Variants in TANGO6 observed in about 807,000 individuals in gnomAD.
The protein encoded by TANGO6 is transport and golgi organization 6 homolog.
TANGO6 carries 90 observed loss-of-function variants against 114.2 expected under a neutral mutation model. The ratio of observed to expected loss-of-function variants is 0.79; its 90% CI spans 0.66 to 0.94. The LOEUF (loss-of-function observed/expected upper bound fraction) is 0.94, where lower values mean the gene tolerates loss of function less well. Ranked by LOEUF, TANGO6 falls within the 40% of genes least tolerant of loss-of-function variation. The probability of loss-of-function intolerance (pLI) is 0.00; values close to 1 mark genes in which losing one functional copy is unlikely to be tolerated. For missense variants in TANGO6, 1,274 were observed against 1,315.3 expected, an observed-to-expected ratio of 0.97 and a Z score of 0.49; for synonymous variants, 477 against 509.8, an observed-to-expected ratio of 0.94 and a Z score of 0.87.
intron 15 of TANGO6, among the ~76,000 whole-genome samples, chr16:68,975,222 A>G (rs767572734): frequency 3.3e-5 from 5 of 152,156 alleles, no homozygotes. Context: ...TAGCTCAAAC[A>G]TTTTCAGCAA....
intron 17 of TANGO6, among the ~76,000 whole-genome samples, chr16:69,042,272 C>T (rs570284367): frequency 4.7e-4 from 71 of 152,188 alleles, no homozygotes; most frequent in Non-Finnish European, 6.9e-4. Flanking sequence ...TGTAGCCGGG[C>T]GGGGTGGCTC....
At chr16:68,984,312 A>G (rs1963871441) in intron 15 of TANGO6, among the ~76,000 whole-genome samples, 1 of 152,268 alleles carries the variant, frequency 6.6e-6, no homozygotes, top group East Asian at 1.9e-4. Context: ...GTGTAGTTCA[A>G]TTCAACAAAC....
intron 16 of TANGO6, among the ~76,000 whole-genome samples, chr16:69,031,751 G>A (rs527528251): frequency 2.8e-4 from 43 of 151,816 alleles, no homozygotes; most frequent in Admixed American, 2.1e-3. Flanking sequence ...TCCACCTCCC[G>A]GGTTCAAGCA....
chr16:68,990,965 G>C (rs1180321242), intron 15 of TANGO6, among the ~76,000 whole-genome samples: 1 of 152,200 alleles, frequency 6.6e-6, no homozygotes, highest in Non-Finnish European at 1.5e-5. Context: ...TTAGGATGTT[G>C]TTGGGGCAAG....
intron 17 of TANGO6, among the ~76,000 whole-genome samples, chr16:69,047,375 G>A (rs1959879696): frequency 6.6e-6 from 1 of 151,814 alleles, no homozygotes; most frequent in Non-Finnish European, 1.5e-5. Flanking sequence ...GTTGCCTGTA[G>A]TCCTAGCTCC....
At position 69,048,686 on chromosome 16, in the gene TANGO6, A is replaced by G. The variant is rs138553490; in HGVS notation, c.3108+8265A>G. On this transcript the variant is annotated intron_variant, in intron 17 of 17. Coordinates refer to ENST00000261778, the MANE Select transcript of TANGO6 (RefSeq NM_024562.2). ...TATGAATGGTGGGTTCACCATTAAT[A>G]CTGGAGATTACTCTCCTACTTCTCT... Among the ~76,000 whole-genome samples, 8 of 152,348 alleles carry G rather than the reference A, an allele frequency of 5.3e-5. No individual in the cohort carries two copies. In the East Asian group the frequency reaches 1.5e-3, roughly 29 times the overall value.
chr16:68,908,659 C>CTACAAA (rs1014453631), intron 10 of TANGO6, among the ~76,000 whole-genome samples: 1 of 152,144 alleles, frequency 6.6e-6, no homozygotes, highest in Non-Finnish European at 1.5e-5. Flanking sequence ...CTACAAAACC[C>CTACAAA]ACAGTAATAC....
At chr16:69,003,720 T>G (rs1964065656) in intron 15 of TANGO6, among the ~76,000 whole-genome samples, 1 of 152,168 alleles carries the variant, frequency 6.6e-6, no homozygotes, top group Non-Finnish European at 1.5e-5. Context: ...TTATCATGAC[T>G]TACATAGACC....
chr16:68,942,015 C>T lies in TANGO6; in HGVS notation c.2701+11720C>T, dbSNP rs77976599. Among the ~76,000 whole-genome samples the T allele has an allele frequency of 6.3e-3, 958 of 151,918 alleles. 14 individuals are homozygous for T. Among genetic ancestry groups the T allele is most frequent in the African/African-American group, 0.022 (911 of 41,440 alleles). On this transcript the variant is annotated intron_variant, in intron 14 of 17. Coordinates refer to ENST00000261778, the MANE Select transcript of TANGO6 (RefSeq NM_024562.2). ...AAATTATAGCCATTTATTTAACCAG[C>T]GTGATAATCAAAAGACTTTAAAAGT...
chr16:69,002,679 A>G lies in TANGO6; in HGVS notation c.2843-20149A>G, dbSNP rs115601833. ...ATAAATTACCCAGTCTCGGCTGTGT[A>G]AAATGGACTAATACGTTGGGTATCT... is the stretch of plus-strand genomic sequence containing the variant. On this transcript the variant is annotated intron_variant, in intron 15 of 17. Coordinates refer to ENST00000261778, the MANE Select transcript of TANGO6 (RefSeq NM_024562.2). 9.3e-3 allele frequency among the ~76,000 whole-genome samples: 1,423 copies of G among 152,232 alleles called. 21 individuals carry two copies. The highest frequency in any genetic ancestry group is 0.032 in the African/African-American group (1,348 of 41,544).
chr16:68,971,624 A>T (rs117900191), intron 14 of TANGO6, among the ~76,000 whole-genome samples: 3,237 of 150,932 alleles, frequency 0.021, 56 homozygotes, highest in Non-Finnish European at 0.03. Context: ...GGCCTCAGAC[A>T]TTTTTTTCTT....
chr16:69,062,787 TAAAA>T lies in TANGO6; in HGVS notation c.3109-20680_3109-20677del, dbSNP rs35731381. Among the ~76,000 whole-genome samples the T allele has an allele frequency of 5.4e-4, 61 of 113,728 alleles. 1 individual carries two copies. The highest frequency in any genetic ancestry group is 2.0e-3 in the African/African-American group (60 of 30,620). 74.6% of individuals were successfully genotyped at this position (113,728 alleles called of 152,430 possible). On this transcript the variant is annotated intron_variant, in intron 17 of 17. Transcript: ENST00000261778. ...CGCACCCGGCCCATAAAAAGAAATTTAAAAAAAAAAAAAAAAAAAAAGAATCAGC... is the reference window on the plus strand; with the variant it reads ...CGCACCCGGCCCATAAAAAGAAATTTAAAAAAAAAAAAAAAAAGAATCAGC...
chr16:69,075,152 AT>A (rs1436017683), intron 17 of TANGO6, among the ~76,000 whole-genome samples: 1 of 146,768 alleles, frequency 6.8e-6, no homozygotes, highest in Non-Finnish European at 1.5e-5. Context: ...CTGAAATATA[AT>A]TTTTTTCCTT....
intron 17 of TANGO6, among the ~76,000 whole-genome samples, chr16:69,061,330 C>T (rs976931765): frequency 2.0e-5 from 3 of 151,892 alleles, no homozygotes; most frequent in African/African-American, 4.8e-5. Context: ...TTTGGGAGGG[C>T]GAGGCAGGTG....
chr16:68,869,543 C>T (rs1962234023), intron 4 of TANGO6, among the ~76,000 whole-genome samples: 3 of 152,202 alleles, frequency 2.0e-5, no homozygotes, highest in Admixed American at 2.0e-4. Context: ...AAACATCTTT[C>T]TCTGGGTCTT....
chr16:68,884,943 T>TTG (rs1045942203), intron 7 of TANGO6, among the ~76,000 whole-genome samples: 2 of 152,218 alleles, frequency 1.3e-5, no homozygotes, highest in Admixed American at 1.3e-4. Context: ...ATTGGCACTG[T>TTG]TGTGAAACTA....
chr16:68,955,319 T>C (rs1963518760), intron 14 of TANGO6, among the ~76,000 whole-genome samples: 2 of 152,200 alleles, frequency 1.3e-5, no homozygotes, highest in Admixed American at 1.3e-4. Context: ...ATTGAATGTA[T>C]CTATTATTTG....
intron 14 of TANGO6, among the ~76,000 whole-genome samples, chr16:68,944,868 C>T (rs1224304347): frequency 6.6e-6 from 1 of 152,176 alleles, no homozygotes; most frequent in African/African-American, 2.4e-5. Flanking sequence ...GTCTGAAGAA[C>T]AAAGATAAGT....
intron 11 of TANGO6, among the ~76,000 whole-genome samples, chr16:68,915,232 C>G (rs563814080): frequency 6.6e-6 from 1 of 150,392 alleles, no homozygotes; most frequent in Admixed American, 6.6e-5. Flanking sequence ...GCTAAATAGT[C>G]CTAGTTGAGT....
Sources: allele counts gnomAD v4.1 joint callset (sites outside exome capture counted in the v4.1 genomes callset), GRCh38; gene constraint gnomAD v4.1.1; transcripts MANE v1.5; gene names NCBI Gene and HGNC (gene_info 2026-07-23, HGNC 2026-07-21).